UCK1: variants seen among roughly 807,000 people sequenced by gnomAD.
UCK1 encodes the protein uridine-cytidine kinase 1.
UCK1 carries 20 observed loss-of-function variants against 34.0 expected under a neutral mutation model. The observed-to-expected ratio is 0.59, with a 90% confidence interval of 0.41 to 0.86. UCK1 has a LOEUF of 0.86. Ranked by LOEUF, UCK1 falls within the 40% of genes least tolerant of loss-of-function variation. The pLI, the probability that UCK1 is intolerant of heterozygous loss-of-function variation, is 0.00. For missense variants in UCK1, 343 were observed against 383.6 expected (o/e 0.89, Z 0.88); for synonymous variants, 168 against 155.9 (o/e 1.08, Z -0.58).
chr9:131,527,471 CA>C (rs1245257783), intron 5 of UCK1, among the ~76,000 whole-genome samples: 3 of 152,126 alleles, frequency 2.0e-5, no homozygotes, highest in Non-Finnish European at 1.5e-5. Flanking sequence ...TACTTTTTGC[CA>C]AATATCTTTC....
Position 131,529,279 on chromosome 9 carries a change from C to G in UCK1, c.366-9G>C. 6.2e-7 allele frequency: 1 copy of G among 1,613,916 alleles called. No individual in the cohort carries two copies. Among genetic ancestry groups the G allele is most frequent in the African/African-American group, 1.3e-5 (1 of 75,042 alleles). Reference sequence around the variant, plus strand: ...CCGTGGTCTCTGGTAACCTGAGGGGCGCACGGGGAAAGGGGCTCTGCTGCA... The same window carrying G: ...CCGTGGTCTCTGGTAACCTGAGGGGGGCACGGGGAAAGGGGCTCTGCTGCA... On this transcript the variant is annotated splice_polypyrimidine_tract_variant and intron_variant, in intron 3 of 6. Coordinates refer to ENST00000372215, the MANE Select transcript of UCK1 (RefSeq NM_031432.5).
Position 131,525,046 on chromosome 9 carries a change from G to A in UCK1, c.828C>T (p.Pro276=). The A allele has an allele frequency of 6.2e-7, 1 of 1,609,942 alleles. No individual in the cohort carries two copies. Among genetic ancestry groups the A allele is most frequent in the South Asian group, 1.1e-5 (1 of 91,016 alleles). The change falls in exon 7 of 7, where the codon CCC becomes CCT. Residue 276 remains proline (P), a synonymous_variant. Transcript: ENST00000372215. ...KRSHLESSSR[P]H Reference sequence around the variant, plus strand: ...CCTGAGGCTCGGCAGCCCCTCAGTGGGGTCTGCTGCTGGACTCCAAATGTG... The same window carrying A: ...CCTGAGGCTCGGCAGCCCCTCAGTGAGGTCTGCTGCTGGACTCCAAATGTG...
rs12377531 is a variant in UCK1, at chr9:131,526,515, G to C, written c.604-538C>G. On this transcript the variant is annotated intron_variant, in intron 5 of 6. Coordinates refer to ENST00000372215, the MANE Select transcript of UCK1 (RefSeq NM_031432.5). ...TGTCAGATGCTCTGCTGCTGAGGAA[G>C]GACAAGGATGGAGATATATCAGGAA... The C allele has an allele frequency of 6.7e-4, 859 of 1,289,478 alleles. 2 individuals are homozygous for C. The highest frequency in any genetic ancestry group is 8.2e-4 in the Non-Finnish European group (806 of 988,932). The allele number at this position is 1,289,478 out of a possible 1,614,324, so 79.9% of individuals were successfully genotyped here.
Position 131,531,017 on chromosome 9 carries a change from G to A in UCK1, c.108+50C>T. 4.6e-6 allele frequency: 6 copies of A among 1,312,504 alleles called. No individual in the cohort carries two copies. The South Asian group carries it at 6.0e-5, about 13-fold the overall frequency. The allele number at this position is 1,312,504 out of a possible 1,614,324, so 81.3% of individuals were successfully genotyped here. On this transcript the variant is annotated intron_variant, in intron 1 of 6. Transcript: ENST00000372215. ...TGGGGTCTCCTCTCTGGACCGGGCC[G>A]CCCGTAGGCACCGGCGAGAGGCGAG...
intron 5 of UCK1, chr9:131,526,551 G>A (rs1479239508): frequency 7.8e-7 from 1 of 1,286,778 alleles, no homozygotes; most frequent in Admixed American, 2.3e-5. Flanking sequence ...ATGCAGGGCT[G>A]CTGGGGAGGG....
intron 1 of UCK1, 113 bp from the exon 2 acceptor site, chr9:131,530,758 C>T: frequency 6.3e-7 from 1 of 1,585,220 alleles, no homozygotes; most frequent in Non-Finnish European, 8.6e-7. Context: ...GCTCGGAAGG[C>T]GGGAGGACAC....
intron 1 of UCK1, 175 bp from the exon 2 acceptor site, chr9:131,530,820 A>G: frequency 3.3e-6 from 4 of 1,223,300 alleles, no homozygotes; most frequent in Non-Finnish European, 4.6e-6. Context: ...CAACGGGGTT[A>G]GCACGGACTT....
rs1351305861 is a variant in UCK1, at chr9:131,530,651, G to A, written c.109-6C>T. The A allele has an allele frequency of 6.2e-7, 1 of 1,614,244 alleles. No homozygotes were observed. The highest frequency in any genetic ancestry group is 1.3e-5 in the African/African-American group (1 of 75,072). On this transcript the variant is annotated splice_region_variant and splice_polypyrimidine_tract_variant and intron_variant, in intron 1 of 6. Coordinates refer to ENST00000372215, the MANE Select transcript of UCK1 (RefSeq NM_031432.5). ...ATCTTCTCACACACGGTCGACTGGAGACACAGAAGCGGGATTCCCGCCTGG... is the reference window on the plus strand; with the variant it reads ...ATCTTCTCACACACGGTCGACTGGAAACACAGAAGCGGGATTCCCGCCTGG...
intron 5 of UCK1, chr9:131,528,709 G>T: frequency 1.7e-6 from 1 of 577,802 alleles, no homozygotes; most frequent in Non-Finnish European, 3.1e-6. Context: ...GGAGGAAGCG[G>T]CCAGTGTGAA....
At chr9:131,527,225 G>T (rs1264322598) in intron 5 of UCK1, among the ~76,000 whole-genome samples, 1 of 152,064 alleles carries the variant, frequency 6.6e-6, no homozygotes, top group Non-Finnish European at 1.5e-5. Context: ...CTACTCAGGA[G>T]CCTGAGGTGG....
At chr9:131,526,266 A>G in intron 5 of UCK1, 1 of 691,660 alleles carries the variant, frequency 1.4e-6, no homozygotes, top group Non-Finnish European at 2.4e-6. Flanking sequence ...ACTCCATTAC[A>G]GGAGACAGCT....
chr9:131,525,340 C>T (rs752603998), intron 6 of UCK1, 119 bp from the exon 7 acceptor site: 50 of 1,229,802 alleles, frequency 4.1e-5, no homozygotes, highest in Admixed American at 8.8e-5. Context: ...GCACAGCCTG[C>T]GGCGAGGGGC....
At position 131,524,847 on chromosome 9, in the gene UCK1, C is replaced by T. The variant is rs1034586922; in HGVS notation, c.*193G>A. The T allele has an allele frequency of 1.3e-5, 8 of 631,690 alleles. No individual in the cohort carries two copies. Among genetic ancestry groups the T allele is most frequent in the South Asian group, 7.0e-5 (3 of 42,976 alleles). The allele number at this position is 631,690 out of a possible 1,614,324, so 39.1% of individuals were successfully genotyped here. On this transcript the variant is annotated 3_prime_UTR_variant, in exon 7 of 7. Coordinates refer to ENST00000372215, the MANE Select transcript of UCK1 (RefSeq NM_031432.5). ...CCTAAGTGGCTGAAAACCTCAGGAACGCCTGTCAGTGTCCCAGCAAGTTGA... is the reference window on the plus strand; with the variant it reads ...CCTAAGTGGCTGAAAACCTCAGGAATGCCTGTCAGTGTCCCAGCAAGTTGA...
chr9:131,525,142 A>G lies in UCK1; in HGVS notation c.732T>C (p.Asn244=). ...DICKWHRGGS[N]GRSYKRTFSE... ...AAAAGGTCCGCTTGTAGCTCCGCCC[A>G]TTGGACCCTCCTCGGTGCCATTTGC... The change falls in exon 7 of 7, where the codon AAT becomes AAC. Residue 244 remains asparagine, a synonymous_variant. Transcript: ENST00000372215. 2 of 1,614,122 alleles carry G rather than the reference A, an allele frequency of 1.2e-6. No individual in the cohort carries two copies. The highest frequency in any genetic ancestry group is 1.7e-6 in the Non-Finnish European group (2 of 1,180,038).
chr9:131,528,849 TCA>T, intron 5 of UCK1, 93 bp downstream of exon 5: 1 of 1,448,570 alleles, frequency 6.9e-7, no homozygotes, highest in Admixed American at 2.1e-5. Flanking sequence ...TTCAATCAGA[TCA>T]CTGTCACCCA....
chr9:131,529,389 C>T (rs1273671100), intron 3 of UCK1, 99 bp downstream of exon 3: 12 of 1,600,658 alleles, frequency 7.5e-6, no homozygotes, highest in Non-Finnish European at 1.0e-5. Flanking sequence ...CCCACAGAAA[C>T]CAACCGGGGG....
rs775436536 is a variant in UCK1, at chr9:131,525,150, C to T, written c.724G>A (p.Gly242Arg). Residue 242 changes from glycine to arginine, a missense_variant, in exon 7 of 7, where the codon GGG becomes AGG. Coordinates refer to ENST00000372215, the MANE Select transcript of UCK1 (RefSeq NM_031432.5). The stretch of plus-strand genomic sequence containing the variant: ...CGCTTGTAGCTCCGCCCATTGGACC[C>T]TCCTCGGTGCCATTTGCAGATGTCA... ...NGDICKWHRG[G>R]SNGRSYKRTF... 11 of 1,614,032 alleles carry T rather than the reference C, an allele frequency of 6.8e-6. No homozygotes were observed. The highest frequency in any genetic ancestry group is 9.3e-6 in the Non-Finnish European group (11 of 1,180,042).
In UCK1 at chr9:131,524,122, A is replaced by G. The variant is rs535300332; in HGVS notation, c.*918T>C. On this transcript the variant is annotated 3_prime_UTR_variant, in exon 7 of 7. Coordinates refer to ENST00000372215, the MANE Select transcript of UCK1 (RefSeq NM_031432.5). ...ACTTTGGGCGGCCATGTCTGCTGGG[A>G]CCTGGGTGATCCAGTGCGTGCCACA... 3.9e-5 allele frequency: 6 copies of G among 152,456 alleles called. No homozygotes were observed. Among genetic ancestry groups the G allele is most frequent in the Admixed American group, 2.6e-4 (4 of 15,314 alleles). The allele number at this position is 152,456 out of a possible 1,614,324, so 9.4% of individuals were successfully genotyped here.
At chr9:131,529,796 C>T (rs944620695) in intron 2 of UCK1, among the ~76,000 whole-genome samples, 2 of 152,162 alleles carry the variant, frequency 1.3e-5, no homozygotes, top group Non-Finnish European at 2.9e-5. Flanking sequence ...TTGCTGTTCT[C>T]GGGCTGTGCC....
Sources: allele counts gnomAD v4.1 joint callset (sites outside exome capture counted in the v4.1 genomes callset), GRCh38; gene constraint gnomAD v4.1.1; transcripts MANE v1.5; gene names NCBI Gene and HGNC (gene_info 2026-07-23, HGNC 2026-07-21).